Variants in NR4A2 observed in about 807,000 individuals in gnomAD.
NR4A2 encodes the protein nuclear receptor subfamily 4 group A member 2.
NR4A2 carries 1 observed loss-of-function variant against 50.5 expected under a neutral mutation model. The observed-to-expected ratio is 0.02, with a 90% CI of 0.01 to 0.09. NR4A2 has a LOEUF of 0.09. Among genes scored for constraint, NR4A2 ranks in the 10% least tolerant of loss-of-function variants. NR4A2 has a pLI of 1.00. For missense variants in NR4A2, 613 were observed against 777.3 expected, an observed-to-expected ratio of 0.79 and a Z score of 2.51; for synonymous variants, 328 against 309.4, an observed-to-expected ratio of 1.06 and a Z score of -0.63.
In NR4A2 at chr2:156,329,533, G is replaced by A. The variant is rs762752811; in HGVS notation, c.654C>T (p.Phe218=). ...GSHHVVDGQT[F]AVPNPIRKPA... The stretch of plus-strand genomic sequence containing the variant: ...GCTTGCGAATGGGGTTGGGCACAGC[G>A]AAGGTCTGCCCGTCCACCACGTGGT... The change falls in exon 3 of 8, where the codon TTC becomes TTT. Residue 218 remains phenylalanine (F), a synonymous_variant. Transcript: ENST00000339562. This position sits in a 1 kb window ranked among gnomAD's most constrained non-coding sequence, Gnocchi z 7.5. 3.1e-5 allele frequency: 49 copies of A among 1,604,990 alleles called. No individual in the cohort carries two copies. Among genetic ancestry groups the A allele is most frequent in the Non-Finnish European group, 3.7e-5 (43 of 1,175,720 alleles).
At chr2:156,327,010 G>C in intron 5 of NR4A2, 90 bp from the exon 6 acceptor site, 2 of 1,229,782 alleles carry the variant, frequency 1.6e-6, no homozygotes, top group South Asian at 1.2e-5. Context: ...AGGGGAGCCA[G>C]GTTTTTATAA....
chr2:156,330,630 C>A, intron 2 of NR4A2, 38 bp downstream of exon 2: 1 of 1,335,350 alleles, frequency 7.5e-7, no homozygotes, highest in East Asian at 2.7e-5. Context: ...GTTTGGGGAG[C>A]TCTGGAGAGT....
Position 156,326,742 on chromosome 2 carries a change from A to T in NR4A2, c.1337T>A (p.Leu446Gln). ...DLLFESAFLE[L>Q]FVLRLAYRSN... ...CCTGTATGCTAATCGAAGGACAAACAGTTCTAAGAAAGCTGATTCAAAAAG... is the reference window on the plus strand; with the variant it reads ...CCTGTATGCTAATCGAAGGACAAACTGTTCTAAGAAAGCTGATTCAAAAAG... The change falls in exon 6 of 8, where the codon CTG (leucine) becomes CAG (glutamine). Residue 446 changes from leucine (L) to glutamine (Q), a missense_variant. Leu to Gln is a moderately radical substitution (Grantham distance 113). This residue lies in a region of NR4A2 where 250 missense variants were observed against 311.3 expected (regional missense o/e 0.80). Transcript: ENST00000339562. The surrounding 1 kb of genome is among the most constrained non-coding windows in gnomAD (Gnocchi z 4.2). The T allele has an allele frequency of 6.2e-7, 1 of 1,614,116 alleles. No individual in the cohort carries two copies. The highest frequency in any genetic ancestry group is 8.5e-7 in the Non-Finnish European group (1 of 1,180,014).
Position 156,330,662 on chromosome 2 carries a change from A to T in NR4A2, c.-3+6T>A. 7.8e-7 allele frequency: 1 copy of T among 1,287,264 alleles called. No individual in the cohort carries two copies. The highest frequency in any genetic ancestry group is 9.8e-7 in the Non-Finnish European group (1 of 1,018,800). 79.7% of individuals were successfully genotyped at this position (1,287,264 alleles called of 1,614,324 possible). A position where few individuals can be genotyped will look rare whatever the true frequency, so the allele number is the denominator to read the frequency against. Reference sequence around the variant, plus strand: ...GAGTAAAGGAAAGAAATGAAGTTGCACTAACCTTCAGCCGAGTTACAGGCG... The same window carrying T: ...GAGTAAAGGAAAGAAATGAAGTTGCTCTAACCTTCAGCCGAGTTACAGGCG... On this transcript the variant is annotated splice_donor_region_variant and intron_variant, in intron 2 of 7. Coordinates refer to ENST00000339562, the MANE Select transcript of NR4A2 (RefSeq NM_006186.4).
rs3832066 is a variant in NR4A2 at position 156,325,324 on chromosome 2, CTGTG to C, written c.*416_*419del. On this transcript the variant is annotated 3_prime_UTR_variant, in exon 8 of 8. Coordinates refer to ENST00000339562, the MANE Select transcript of NR4A2 (RefSeq NM_006186.4). ...TTGTGGGTCCCCTTAAGATGTGTCT[CTGTG>C]TGTGTGTGTGTGTGTGTATGTGTGT... 1,970 of 217,480 alleles carry C rather than the reference CTGTG, an allele frequency of 9.1e-3. No individual in the cohort carries two copies. The highest frequency in any genetic ancestry group is 0.016 in the Middle Eastern group (9 of 558). 13.5% of individuals were successfully genotyped at this position (217,480 alleles called of 1,614,324 possible).
rs1340774789 is a variant in NR4A2 at position 156,325,697 on chromosome 2, A to G, written c.*47T>C. 6.2e-7 allele frequency: 1 copy of G among 1,612,130 alleles called. No homozygotes were observed. Among genetic ancestry groups the G allele is most frequent in the East Asian group, 2.2e-5 (1 of 44,890 alleles). On this transcript the variant is annotated 3_prime_UTR_variant, in exon 8 of 8. Coordinates refer to ENST00000339562, the MANE Select transcript of NR4A2 (RefSeq NM_006186.4). ...CCCATGTGACTTGCCCCCTCTTGAC[A>G]GTTTCCATTATCATTCCAGTTCCTT... is the stretch of plus-strand genomic sequence containing the variant.
Position 156,332,521 on chromosome 2 carries a change from C to G in NR4A2, c.-168G>C. The stretch of plus-strand genomic sequence containing the variant: ...TCTGTCTTCATTCATTCAACTCTGC[C>G]GAAGTGCAGTTCCCTCTGGGAGCCC... On this transcript the variant is annotated 5_prime_UTR_variant, in exon 1 of 8. Coordinates refer to ENST00000339562, the MANE Select transcript of NR4A2 (RefSeq NM_006186.4). 2.3e-6 allele frequency: 3 copies of G among 1,289,138 alleles called. No homozygotes were observed. Among genetic ancestry groups the G allele is most frequent in the Non-Finnish European group, 3.0e-6 (3 of 988,656 alleles). 79.9% of individuals were successfully genotyped at this position (1,289,138 alleles called of 1,614,324 possible).
In NR4A2 at chr2:156,332,633, G is replaced by A; in HGVS notation, c.-280C>T. The A allele has an allele frequency of 1.8e-6, 1 of 562,066 alleles. No individual in the cohort carries two copies. 34.8% of individuals were successfully genotyped at this position (562,066 alleles called of 1,614,324 possible). On this transcript the variant is annotated 5_prime_UTR_variant, in exon 1 of 8. Coordinates refer to ENST00000339562, the MANE Select transcript of NR4A2 (RefSeq NM_006186.4). ...GGGAGGGAGCAGGGACAGGCGGCCGGCTGGACAGGCAAAAGGGACCGCGGA... is the reference window on the plus strand; with the variant it reads ...GGGAGGGAGCAGGGACAGGCGGCCGACTGGACAGGCAAAAGGGACCGCGGA...
At position 156,328,191 on chromosome 2, in the gene NR4A2, CT is replaced by C; in HGVS notation, c.995-178del. On this transcript the variant is annotated intron_variant, in intron 4 of 7. Transcript: ENST00000339562. The surrounding 1 kb of genome is among the most constrained non-coding windows in gnomAD (Gnocchi z 4.9). ...TAAAAAATGCGGGGTTATTTTATGT[CT>C]TCCTCCAAATGGGTCGTATAGTTAA... Among the ~76,000 whole-genome samples, 1 of 152,300 alleles carries C rather than the reference CT, an allele frequency of 6.6e-6. No individual in the cohort carries two copies. The highest frequency in any genetic ancestry group is 1.5e-5 in the Non-Finnish European group (1 of 68,038).
intron 5 of NR4A2, 104 bp downstream of exon 5, chr2:156,327,747 C>T: frequency 1.4e-6 from 2 of 1,424,632 alleles, no homozygotes; most frequent in African/African-American, 1.4e-5. Context: ...GCCTTGCTTG[C>T]CTTCTTTACC....
chr2:156,325,515 C>T lies in NR4A2; in HGVS notation c.*229G>A. 1 of 579,702 alleles carries T rather than the reference C, an allele frequency of 1.7e-6. No individual in the cohort carries two copies. The allele number at this position is 579,702 out of a possible 1,614,324, so 35.9% of individuals were successfully genotyped here. On this transcript the variant is annotated 3_prime_UTR_variant, in exon 8 of 8. Transcript: ENST00000339562. ...TAGTCCATGTTCTAAATCCAGGATG[C>T]CCCGGAGCCAAAATGCCCTTTCAGG...
rs779352725 is a variant in NR4A2, at chr2:156,330,224, G to C, written c.-2-36C>G. 5 of 1,611,290 alleles carry C rather than the reference G, an allele frequency of 3.1e-6. No homozygotes were observed. The African/African-American group carries it at 5.3e-5, about 17-fold the overall frequency. ...AACAGGGTGATAACACACTCAGCCT[G>C]GTCAACTGAACACTTTCTCCCGGGC... On this transcript the variant is annotated intron_variant, in intron 2 of 7. Transcript: ENST00000339562.
rs1372995764 is a variant in NR4A2, at chr2:156,326,373, G to A, written c.1362-45C>T. 1.3e-6 allele frequency: 2 copies of A among 1,551,424 alleles called. No homozygotes were observed. The highest frequency in any genetic ancestry group is 8.9e-7 in the Non-Finnish European group (1 of 1,123,044). On this transcript the variant is annotated intron_variant, in intron 6 of 7. Coordinates refer to ENST00000339562, the MANE Select transcript of NR4A2 (RefSeq NM_006186.4). The surrounding 1 kb of genome is among the most constrained non-coding windows in gnomAD (Gnocchi z 4.2). Reference sequence around the variant, plus strand: ...GAGAGAGGGGAGAAAAAGAGAGAGAGAAAAGCTAAACAACTAATTACTTGA... The same window carrying A: ...GAGAGAGGGGAGAAAAAGAGAGAGAAAAAAGCTAAACAACTAATTACTTGA...
At position 156,332,553 on chromosome 2, in the gene NR4A2, C is replaced by A; in HGVS notation, c.-200G>T. 3.1e-6 allele frequency: 4 copies of A among 1,282,070 alleles called. No homozygotes were observed. The highest frequency in any genetic ancestry group is 4.1e-6 in the Non-Finnish European group (4 of 982,560). 79.4% of individuals were successfully genotyped at this position (1,282,070 alleles called of 1,614,324 possible). A position where few individuals can be genotyped will look rare whatever the true frequency, so the allele number is the denominator to read the frequency against. ...CAGTTCCCTCTGGGAGCCCGGGCGC[C>A]GGGGTCGGGTAGGGGTGGGAGAGCT... is the stretch of plus-strand genomic sequence containing the variant. On this transcript the variant is annotated 5_prime_UTR_variant, in exon 1 of 8. Coordinates refer to ENST00000339562, the MANE Select transcript of NR4A2 (RefSeq NM_006186.4).
intron 1 of NR4A2, 76 bp downstream of exon 1, chr2:156,332,404 C>G: frequency 8.4e-7 from 1 of 1,193,122 alleles, no homozygotes; most frequent in Non-Finnish European, 1.1e-6. Flanking sequence ...CTGTCCCACA[C>G]AAGTGGAAAG....
chr2:156,330,535 A>G, intron 2 of NR4A2, 133 bp downstream of exon 2: 2 of 983,108 alleles, frequency 2.0e-6, no homozygotes, highest in Non-Finnish European at 2.9e-6. Context: ...AATGAAGTTG[A>G]ATTTCACAAT....
rs148352799 is a variant in NR4A2, at chr2:156,325,912, A to G, written c.1629T>C (p.Asn543=). 6.3e-5 allele frequency: 101 copies of G among 1,614,222 alleles called. No homozygotes were observed. The highest frequency in any genetic ancestry group is 8.5e-5 in the Non-Finnish European group (100 of 1,180,032). The change falls in exon 8 of 8, where the codon AAT becomes AAC. Residue 543 remains asparagine, a synonymous_variant. Coordinates refer to ENST00000339562, the MANE Select transcript of NR4A2 (RefSeq NM_006186.4). ...NCLKDHVTFN[N]GGLNRPNYLS... The stretch of plus-strand genomic sequence containing the variant: ...AATAATTGGGGCGGTTCAACCCCCC[A>G]TTGTTGAAAGTCACGTGGTCTTTGA...
Position 156,328,570 on chromosome 2 carries a change from C to T in NR4A2, c.865-37G>A. On this transcript the variant is annotated intron_variant, in intron 3 of 7. Coordinates refer to ENST00000339562, the MANE Select transcript of NR4A2 (RefSeq NM_006186.4). This position sits in a 1 kb window ranked among gnomAD's most constrained non-coding sequence, Gnocchi z 4.9. The stretch of plus-strand genomic sequence containing the variant: ...GACAATATAGACCAACATTTTTTTT[C>T]TTCTTTTGAAAATCAGGCAACTCGG... The T allele has an allele frequency of 6.2e-7, 1 of 1,613,654 alleles. No homozygotes were observed. The highest frequency in any genetic ancestry group is 8.5e-7 in the Non-Finnish European group (1 of 1,179,882).
intron 5 of NR4A2, 117 bp from the exon 6 acceptor site, chr2:156,327,037 T>C: frequency 1.1e-6 from 1 of 914,850 alleles, no homozygotes; most frequent in Admixed American, 1.9e-5. Flanking sequence ...AACCTCTCTC[T>C]GACCAGTAAG....
Sources: gnomAD v4.1 joint callset for allele counts (sites outside exome capture counted in the v4.1 genomes callset) on GRCh38, gnomAD v4.1.1 for gene constraint, gnomAD v4.1.1 regional missense constraint, Gnocchi (gnomAD v3.1) non-coding constraint, MANE v1.5 for transcripts, NCBI Gene and HGNC (gene_info 2026-07-23, HGNC 2026-07-21) for gene names.